The following TBC1D31 variants were observed in gnomAD, a reference collection of about 807,000 sequenced individuals.
TBC1D31 encodes the protein TBC1 domain family member 31.
TBC1D31 carries 99 observed loss-of-function variants against 132.9 expected under a neutral mutation model. The observed-to-expected ratio is 0.74, with a 90% CI of 0.63 to 0.88. The LOEUF (loss-of-function observed/expected upper bound fraction) is 0.88. Among genes scored for constraint, TBC1D31 ranks in the 40% least tolerant of loss-of-function variants. The pLI is 0.00. For missense variants in TBC1D31, 1,134 were observed against 1,256.6 expected (o/e 0.90, Z 1.48); for synonymous variants, 385 against 419.4 (o/e 0.92, Z 1.00).
chr8:123,083,079 G>C (rs895387095), intron 3 of TBC1D31: 3 of 327,910 alleles, frequency 9.1e-6, no homozygotes, highest in African/African-American at 4.3e-5. Context: ...CTTAATGACA[G>C]TTTTAATATA....
At chr8:123,159,880 T>TCA in the TBC1D31 span, among the ~76,000 whole-genome samples, 1 of 152,128 alleles carries the variant, frequency 6.6e-6, no homozygotes, top group Non-Finnish European at 1.5e-5. Context: ...AAGACTCTTT[T>TCA]TAAAAAAAAT....
intron 14 of TBC1D31, 127 bp downstream of exon 14, chr8:123,128,640 G>C: frequency 1.5e-6 from 1 of 680,910 alleles, no homozygotes; most frequent in Non-Finnish European, 2.4e-6. Context: ...ACTTTGGGAG[G>C]CCAAGGCAGG....
intron 18 of TBC1D31, among the ~76,000 whole-genome samples, chr8:123,141,727 CTCT>C: frequency 6.6e-6 from 1 of 151,544 alleles, no homozygotes. Flanking sequence ...TTAAAATGGG[CTCT>C]TCTTCAGAGT....
rs375226758 is a variant in TBC1D31, at chr8:123,128,471, G to A, written c.2075G>A (p.Arg692Gln). Residue 692 changes from arginine (R) to glutamine (Q), a missense_variant, in exon 14 of 22, where the codon CGA (arginine) becomes CAA (glutamine). Coordinates refer to ENST00000287380, the MANE Select transcript of TBC1D31 (RefSeq NM_145647.4). ...ATTGTGGACTATCAAACACAGGAAC[G>A]AGAAAGAATAAGGAATGATGAATTG... is the stretch of plus-strand genomic sequence containing the variant. ...KFIVDYQTQE[R>Q]ERIRNDELDY... The A allele has an allele frequency of 4.0e-5, 64 of 1,613,026 alleles. 1 individual carries two copies. The highest frequency in any genetic ancestry group is 2.2e-4 in the East Asian group (10 of 44,870).
intron 17 of TBC1D31, among the ~76,000 whole-genome samples, chr8:123,135,728 A>C (rs962694219): frequency 2.0e-5 from 3 of 152,248 alleles, no homozygotes; most frequent in Non-Finnish European, 4.4e-5. Context: ...ACACTTTTAA[A>C]GTCTCCACAC....
intron 20 of TBC1D31, among the ~76,000 whole-genome samples, chr8:123,146,886 A>C (rs1283489692): frequency 6.6e-6 from 1 of 151,924 alleles, no homozygotes; most frequent in Middle Eastern, 3.2e-3. Flanking sequence ...CATGTTGCCC[A>C]GGCTTGTCTC....
At chr8:123,082,593 G>T in intron 2 of TBC1D31, 109 bp from the exon 3 acceptor site, 1 of 715,156 alleles carries the variant, frequency 1.4e-6, no homozygotes, top group Non-Finnish European at 2.3e-6. Flanking sequence ...GCCTAAAATG[G>T]TAGCTCATTT....
At chr8:123,110,079 G>A (rs1818302867) in intron 10 of TBC1D31, among the ~76,000 whole-genome samples, 1 of 152,138 alleles carries the variant, frequency 6.6e-6, no homozygotes, top group Non-Finnish European at 1.5e-5. Flanking sequence ...GGGCGACAGG[G>A]CAAGACTCCA....
chr8:123,145,578 T>C (rs1822118034), intron 20 of TBC1D31, among the ~76,000 whole-genome samples: 1 of 151,778 alleles, frequency 6.6e-6, no homozygotes, highest in Admixed American at 6.6e-5. Flanking sequence ...AACTGTAAAA[T>C]ACCCTGGAGG....
At chr8:123,074,014 T>G (rs1377473971) in intron 1 of TBC1D31, among the ~76,000 whole-genome samples, 2 of 150,108 alleles carry the variant, frequency 1.3e-5, no homozygotes, top group Non-Finnish European at 3.0e-5. Flanking sequence ...GATCCTTTGG[T>G]TGCTTCTTGA....
the TBC1D31 span, among the ~76,000 whole-genome samples, chr8:123,162,041 T>G: frequency 2.4e-5 from 3 of 124,216 alleles, no homozygotes; most frequent in African/African-American, 6.6e-5. Flanking sequence ...AAAAAAAAAG[T>G]ACCCAATGAC....
chr8:123,140,039 C>T (rs918762869), intron 17 of TBC1D31, among the ~76,000 whole-genome samples: 31 of 152,198 alleles, frequency 2.0e-4, no homozygotes, highest in African/African-American at 5.8e-4. Context: ...GGCTTCCTTC[C>T]TTGGCTTCCA....
At chr8:123,076,964 G>T (rs896941596) in intron 1 of TBC1D31, 147 bp from the exon 2 acceptor site, 1 of 645,180 alleles carries the variant, frequency 1.5e-6, no homozygotes, top group Non-Finnish European at 2.5e-6. Context: ...TGAAATCCTG[G>T]TAAGATTGAT....
chr8:123,148,728 T>C (rs951582396), intron 20 of TBC1D31, among the ~76,000 whole-genome samples: 21 of 152,060 alleles, frequency 1.4e-4, no homozygotes, highest in African/African-American at 4.8e-4. Context: ...TATTTTGGAG[T>C]TATTTCTGGC....
intron 16 of TBC1D31, among the ~76,000 whole-genome samples, chr8:123,133,715 T>G (rs796688030): frequency 4.6e-5 from 7 of 152,288 alleles, no homozygotes; most frequent in African/African-American, 1.7e-4. Flanking sequence ...AATTGTTAAT[T>G]GTCAAACCAT....
At chr8:123,109,724 C>G in intron 10 of TBC1D31, 104 bp downstream of exon 10, 1 of 1,078,856 alleles carries the variant, frequency 9.3e-7, no homozygotes, top group Non-Finnish European at 1.3e-6. Context: ...GTTTGATTAT[C>G]CTTATGTGAT....
At chr8:123,083,574 A>G (rs889147103) in intron 3 of TBC1D31, 6 of 151,976 alleles carry the variant, frequency 3.9e-5, no homozygotes, top group African/African-American at 7.3e-5. Context: ...TGTATTTCCT[A>G]CCTCCGCTAA....
intron 11 of TBC1D31, among the ~76,000 whole-genome samples, chr8:123,120,942 G>T: frequency 6.7e-6 from 1 of 148,592 alleles, no homozygotes. Flanking sequence ...TGGATATTTA[G>T]ATTGTTCCTA....
intron 10 of TBC1D31, among the ~76,000 whole-genome samples, chr8:123,116,846 T>C (rs1818963451): frequency 6.6e-6 from 1 of 151,970 alleles, no homozygotes; most frequent in South Asian, 2.1e-4. Context: ...AAAATAAATA[T>C]CCATGAGTTC....
Sources: allele counts gnomAD v4.1 joint callset (sites outside exome capture counted in the v4.1 genomes callset), GRCh38; gene constraint gnomAD v4.1.1; transcripts MANE v1.5; gene names NCBI Gene and HGNC (gene_info 2026-07-23, HGNC 2026-07-21).